The following PLXNA4 variants were observed in gnomAD, a reference collection of about 807,000 sequenced individuals.
PLXNA4 encodes the protein plexin-A4.
Under a neutral mutation model 191.8 loss-of-function variants are expected in PLXNA4, and 44 were observed. The ratio of observed to expected loss-of-function variants is 0.23; its 90% CI spans 0.18 to 0.29. The LOEUF (loss-of-function observed/expected upper bound fraction) is 0.29, where lower values mean the gene tolerates loss of function less well. PLXNA4 is among the 10% of genes least tolerant of loss of function. PLXNA4 has a pLI of 1.00. For synonymous variants in PLXNA4, 1,082 were observed against 1,009.5 expected, an observed-to-expected ratio of 1.07 and a Z score of -1.36; for missense variants, 1,800 against 2,488.8, an observed-to-expected ratio of 0.72 and a Z score of 5.89.
chr7:132,502,859 TC>T (rs886801033), intron 2 of PLXNA4, among the ~76,000 whole-genome samples: 29 of 152,152 alleles, frequency 1.9e-4, no homozygotes, highest in African/African-American at 7.0e-4. Context: ...GTGTGTTATT[TC>T]CAGACAGCCG....
At chr7:132,161,658 T>C (rs1444944096) in intron 24 of PLXNA4, among the ~76,000 whole-genome samples, 35 of 151,726 alleles carry the variant, frequency 2.3e-4, no homozygotes, top group African/African-American at 8.2e-4. Flanking sequence ...CAGGTGCGCA[T>C]CTAGAACTCT....
rs771817796 is a variant in PLXNA4, at chr7:132,282,610, GAAAAAAAAAAAAAAAAAAAAAAAAA to G, written c.1503+15456_1503+15480del. Among the ~76,000 whole-genome samples, 40 of 44,838 alleles carry G rather than the reference GAAAAAAAAAAAAAAAAAAAAAAAAA, an allele frequency of 8.9e-4. 1 individual carries two copies. Among genetic ancestry groups the G allele is most frequent in the South Asian group, 1.4e-3 (1 of 712 alleles). The allele number at this position is 44,838 out of a possible 152,430, so 29.4% of individuals were successfully genotyped here. A position where few individuals can be genotyped will look rare whatever the true frequency, so the allele number is the denominator to read the frequency against. ...GGTGATAGAGCCAGACCTTGTCTCA[GAAAAAAAAAAAAAAAAAAAAAAAAA>G]AAAAAAAAAAAAAAAAAAAAAAAAA... On this transcript the variant is annotated intron_variant, in intron 4 of 31. Transcript: ENST00000321063.
chr7:132,130,176 G>A lies in PLXNA4; in HGVS notation c.*303C>T, dbSNP rs1794884535. On this transcript the variant is annotated 3_prime_UTR_variant, in exon 32 of 32. Coordinates refer to ENST00000321063, the MANE Select transcript of PLXNA4 (RefSeq NM_020911.2). ...CTGCTGCTGACATGCACAGGGTCAG[G>A]AGCACCTGGGAGACAGAGGCCTCTC... 1 of 351,612 alleles carries A rather than the reference G, an allele frequency of 2.8e-6. No individual in the cohort carries two copies. Among genetic ancestry groups the A allele is most frequent in the African/African-American group, 2.1e-5 (1 of 48,688 alleles). 21.8% of individuals were successfully genotyped at this position (351,612 alleles called of 1,614,324 possible).
intron 4 of PLXNA4, among the ~76,000 whole-genome samples, chr7:132,273,336 ACACACGCACACACACACACACG>A (rs1563005174): frequency 6.6e-6 from 1 of 150,844 alleles, no homozygotes; most frequent in Non-Finnish European, 1.5e-5. Flanking sequence ...ACACACACAC[ACACACGCACACACACACACACG>A]CACGCACACG....
chr7:132,217,556 G>A (rs1280856147), intron 9 of PLXNA4, among the ~76,000 whole-genome samples: 1 of 152,092 alleles, frequency 6.6e-6, no homozygotes, highest in African/African-American at 2.4e-5. Context: ...AGTCACCTCA[G>A]CCTTCATCAG....
At chr7:132,152,929 C>T (rs956405670) in intron 25 of PLXNA4, among the ~76,000 whole-genome samples, 2 of 152,228 alleles carry the variant, frequency 1.3e-5, no homozygotes, top group African/African-American at 4.8e-5. Context: ...TGCAGCTCCA[C>T]GCTCACTCAT....
At chr7:132,448,702 C>A (rs1027350456) in intron 3 of PLXNA4, among the ~76,000 whole-genome samples, 1 of 152,108 alleles carries the variant, frequency 6.6e-6, no homozygotes. Context: ...TGTTCTCAGA[C>A]CTAAAGTGGA....
At chr7:132,630,326 A>G (rs1803470244) in intron 2 of PLXNA4, among the ~76,000 whole-genome samples, 1 of 152,206 alleles carries the variant, frequency 6.6e-6, no homozygotes, top group African/African-American at 2.4e-5. Context: ...CACACAATCT[A>G]TAACAGAAAA....
At chr7:132,384,861 G>T in intron 3 of PLXNA4, 1 of 1,176,790 alleles carries the variant, frequency 8.5e-7, no homozygotes, top group Non-Finnish European at 1.1e-6. Context: ...TCAGGCCCAA[G>T]AGATAACTAT....
chr7:132,459,359 T>G (rs935856499), intron 3 of PLXNA4, among the ~76,000 whole-genome samples: 2 of 152,188 alleles, frequency 1.3e-5, no homozygotes, highest in Non-Finnish European at 1.5e-5. Context: ...TCCCACCCCT[T>G]TTCTTATTTG....
chr7:132,136,838 T>G (rs909833122), intron 30 of PLXNA4, among the ~76,000 whole-genome samples: 1 of 152,168 alleles, frequency 6.6e-6, no homozygotes, highest in African/African-American at 2.4e-5. Context: ...AGCCTGATGC[T>G]CTGATATTCC....
At chr7:132,614,373 C>T (rs996606640) in intron 2 of PLXNA4, among the ~76,000 whole-genome samples, 2 of 152,246 alleles carry the variant, frequency 1.3e-5, no homozygotes, top group South Asian at 2.1e-4. Flanking sequence ...CAGAGGCCCT[C>T]ATACTGGACA....
intron 2 of PLXNA4, among the ~76,000 whole-genome samples, chr7:132,593,615 C>T (rs1353744273): frequency 1.3e-5 from 2 of 152,164 alleles, no homozygotes; most frequent in African/African-American, 4.8e-5. Context: ...CACTGGGGCC[C>T]AAATGTGGCC....
At chr7:132,251,652 A>C (rs1799257277) in intron 4 of PLXNA4, among the ~76,000 whole-genome samples, 1 of 151,352 alleles carries the variant, frequency 6.6e-6, no homozygotes, top group Non-Finnish European at 1.5e-5. Context: ...TTCAAACCAC[A>C]AAAAAACAGT....
chr7:132,576,594 G>A (rs988895386), upstream of PLXNA4: 4 of 985,956 alleles, frequency 4.1e-6, no homozygotes. This position sits in a 1 kb window ranked among gnomAD's most constrained non-coding sequence, Gnocchi z 5.8. Flanking sequence ...GGGAAGCCGG[G>A]AGCAGCCGAG....
In PLXNA4 at chr7:132,174,935, A is replaced by G. The variant is rs1796409165; in HGVS notation, c.3875-15T>C. The G allele has an allele frequency of 6.2e-7, 1 of 1,613,318 alleles. No individual in the cohort carries two copies. The highest frequency in any genetic ancestry group is 2.2e-5 in the East Asian group (1 of 44,850). Reference sequence around the variant, plus strand: ...CTCGGCAAAGGCTGGCACGAAGAGAAGCCTGTGAGATGGCTGGATGGGGAG... The same window carrying G: ...CTCGGCAAAGGCTGGCACGAAGAGAGGCCTGTGAGATGGCTGGATGGGGAG... On this transcript the variant is annotated splice_polypyrimidine_tract_variant and intron_variant, in intron 20 of 31. Transcript: ENST00000321063.
chr7:132,647,802 TCA>T (rs1036709332), intron 1 of PLXNA4, among the ~76,000 whole-genome samples: 11 of 150,460 alleles, frequency 7.3e-5, no homozygotes, highest in African/African-American at 2.4e-4. Context: ...ACACACACAG[TCA>T]CACACATACA....
chr7:132,287,727 G>C (rs1182872713), intron 4 of PLXNA4, among the ~76,000 whole-genome samples: 2 of 152,168 alleles, frequency 1.3e-5, no homozygotes, highest in Non-Finnish European at 2.9e-5. Context: ...AAAACAGTGG[G>C]GGTGGTGGGC....
chr7:132,474,071 A>AC (rs1797030896), intron 3 of PLXNA4, among the ~76,000 whole-genome samples: 1 of 140,028 alleles, frequency 7.1e-6, no homozygotes, highest in Non-Finnish European at 1.5e-5. Flanking sequence ...ACAAAACAAA[A>AC]AAAAACAGGG....
Sources: allele counts gnomAD v4.1 joint callset (sites outside exome capture counted in the v4.1 genomes callset), GRCh38; gene constraint gnomAD v4.1.1; non-coding constraint Gnocchi (gnomAD v3.1); transcripts MANE v1.5; gene names NCBI Gene and HGNC (gene_info 2026-07-23, HGNC 2026-07-21).